The following R3HCC1L variants were observed in gnomAD, a reference collection of about 807,000 sequenced individuals.
R3HCC1L encodes the protein R3H domain and coiled-coil containing 1 like.
R3HCC1L carries 51 observed loss-of-function variants against 59.9 expected under a neutral mutation model. The observed-to-expected ratio is 0.85, with a 90% CI of 0.68 to 1.07. The LOEUF is 1.07. Among genes scored for constraint, R3HCC1L ranks in the 50% least tolerant of loss-of-function variants. The pLI, the probability that R3HCC1L is intolerant of heterozygous loss-of-function variation, is 0.00. For synonymous variants in R3HCC1L, 322 were observed against 315.2 expected, an observed-to-expected ratio of 1.02 and a Z score of -0.23; for missense variants, 965 against 933.0, an observed-to-expected ratio of 1.03 and a Z score of -0.45.
At chr10:98,138,233 T>C (rs141432557) in intron 1 of R3HCC1L, among the ~76,000 whole-genome samples, 54 of 152,360 alleles carry the variant, frequency 3.5e-4, no homozygotes, top group African/African-American at 1.3e-3. Flanking sequence ...GTGGTATGCC[T>C]GTGCTATGTT....
At chr10:98,201,567 A>G (rs892725243) in intron 4 of R3HCC1L, among the ~76,000 whole-genome samples, 2 of 152,206 alleles carry the variant, frequency 1.3e-5, no homozygotes, top group African/African-American at 4.8e-5. Flanking sequence ...CCTCCTTCTC[A>G]AGGGAATTGG....
At chr10:98,191,105 A>G (rs1014284029) in intron 4 of R3HCC1L, among the ~76,000 whole-genome samples, 1 of 152,188 alleles carries the variant, frequency 6.6e-6, no homozygotes, top group Non-Finnish European at 1.5e-5. Context: ...ATAGTGCCGC[A>G]TTAAACATAT....
At chr10:98,148,319 G>A (rs367711923) in intron 1 of R3HCC1L, among the ~76,000 whole-genome samples, 43 of 152,046 alleles carry the variant, frequency 2.8e-4, no homozygotes, top group South Asian at 6.2e-4. Context: ...TATATAAATC[G>A]TTTTGTCTGT....
intron 4 of R3HCC1L, among the ~76,000 whole-genome samples, chr10:98,195,160 G>T (rs752634844): frequency 6.6e-6 from 1 of 152,160 alleles, no homozygotes; most frequent in Non-Finnish European, 1.5e-5. Context: ...TTCCTGTCAT[G>T]CTGCCTCATG....
At chr10:98,181,243 C>A (rs1849593363) in intron 4 of R3HCC1L, among the ~76,000 whole-genome samples, 1 of 152,136 alleles carries the variant, frequency 6.6e-6, no homozygotes, top group Non-Finnish European at 1.5e-5. Flanking sequence ...CAAAATCTCT[C>A]AGCATTTGCT....
intron 9 of R3HCC1L, among the ~76,000 whole-genome samples, chr10:98,239,473 G>A (rs1475718766): frequency 6.6e-6 from 1 of 152,042 alleles, no homozygotes; most frequent in East Asian, 1.9e-4. Context: ...TCTAGCAACA[G>A]TGCCTGGTAC....
At chr10:98,221,665 G>A (rs894453167) in intron 5 of R3HCC1L, among the ~76,000 whole-genome samples, 1 of 151,816 alleles carries the variant, frequency 6.6e-6, no homozygotes, top group African/African-American at 2.4e-5. Flanking sequence ...TTTTTGTCAG[G>A]TTTGTCAAAG....
intron 4 of R3HCC1L, among the ~76,000 whole-genome samples, chr10:98,171,891 T>C (rs1468596777): frequency 2.6e-5 from 4 of 152,154 alleles, no homozygotes; most frequent in South Asian, 2.1e-4. Context: ...TAGAATGTGA[T>C]AGAGCAAATG....
At chr10:98,175,570 C>T (rs1187675301) in intron 4 of R3HCC1L, among the ~76,000 whole-genome samples, 1 of 152,130 alleles carries the variant, frequency 6.6e-6, no homozygotes, top group Non-Finnish European at 1.5e-5. Context: ...TTGTATTTCT[C>T]TAATGATAAA....
intron 5 of R3HCC1L, among the ~76,000 whole-genome samples, chr10:98,229,309 T>C (rs542228503): frequency 1.2e-3 from 181 of 152,324 alleles, no homozygotes; most frequent in African/African-American, 4.1e-3. Context: ...ACATCCCTTG[T>C]AAGTTGGGTT....
At chr10:98,145,629 C>G (rs1845575736) in intron 1 of R3HCC1L, among the ~76,000 whole-genome samples, 1 of 152,164 alleles carries the variant, frequency 6.6e-6, no homozygotes, top group Non-Finnish European at 1.5e-5. Context: ...TCTTTTGAAA[C>G]TGCTTTTAGA....
rs74153522 is a variant in R3HCC1L, at chr10:98,209,483, G to A, written c.1369G>A (p.Glu457Lys). ...YGESISSHFTESTGKLIESLS... is the reference protein window; with the variant it reads ...YGESISSHFTKSTGKLIESLS... ...TGAGAGTATTTCATCTCATTTTACA[G>A]AGTCAACAGGAAAGTTGATAGAGAG... The change falls in exon 5 of 10, where the codon GAG (glutamate) becomes AAG (lysine). Residue 457 changes from glutamate (E) to lysine (K), a missense_variant. By Grantham distance (56) the Glu-to-Lys change is moderately conservative. Coordinates refer to ENST00000298999, the MANE Select transcript of R3HCC1L (RefSeq NM_001351015.2). The A allele has an allele frequency of 8.0e-4, 1,288 of 1,613,720 alleles. 11 individuals carry two copies. The African/African-American group carries it at 0.016, about 20-fold the overall frequency.
intron 1 of R3HCC1L, among the ~76,000 whole-genome samples, chr10:98,152,444 C>A (rs371117443): frequency 2.8e-4 from 40 of 144,650 alleles, no homozygotes; most frequent in South Asian, 9.7e-4. Flanking sequence ...CCCCTCTGCT[C>A]GGCTGCCCAA....
intron 5 of R3HCC1L, among the ~76,000 whole-genome samples, chr10:98,228,467 G>A (rs1454726847): frequency 1.3e-5 from 2 of 152,002 alleles, no homozygotes; most frequent in Non-Finnish European, 2.9e-5. Context: ...AGTTCTTTGT[G>A]GATAAAGATA....
At chr10:98,174,268 C>A (rs1276281242) in intron 4 of R3HCC1L, among the ~76,000 whole-genome samples, 1 of 152,068 alleles carries the variant, frequency 6.6e-6, no homozygotes, top group Non-Finnish European at 1.5e-5. Context: ...TCTGGAGATA[C>A]GAAGATGAAT....
At chr10:98,169,739 A>G (rs1206808067) in intron 4 of R3HCC1L, among the ~76,000 whole-genome samples, 2 of 152,232 alleles carry the variant, frequency 1.3e-5, no homozygotes, top group African/African-American at 4.8e-5. Flanking sequence ...TTGGTTTAAG[A>G]TAGCTTTGCA....
chr10:98,215,854 A>G (rs1215962672), intron 5 of R3HCC1L, among the ~76,000 whole-genome samples: 1 of 152,234 alleles, frequency 6.6e-6, no homozygotes, highest in Non-Finnish European at 1.5e-5. Flanking sequence ...TATATATCCA[A>G]CTACTGAGTG....
At chr10:98,147,018 C>T (rs981030208) in intron 1 of R3HCC1L, among the ~76,000 whole-genome samples, 16 of 152,148 alleles carry the variant, frequency 1.1e-4, no homozygotes, top group African/African-American at 3.9e-4. Flanking sequence ...AATTTACATT[C>T]CCTCCAACAG....
At chr10:98,211,039 C>T (rs1221866517) in intron 5 of R3HCC1L, among the ~76,000 whole-genome samples, 7 of 152,178 alleles carry the variant, frequency 4.6e-5, no homozygotes, top group Non-Finnish European at 8.8e-5. Flanking sequence ...CGAGCACATC[C>T]TGTCAGGTCA....
Sources: gnomAD v4.1 joint callset for allele counts (sites outside exome capture counted in the v4.1 genomes callset) on GRCh38, gnomAD v4.1.1 for gene constraint, MANE v1.5 for transcripts, NCBI Gene and HGNC (gene_info 2026-07-23, HGNC 2026-07-21) for gene names.